Variants in BTC observed in about 807,000 individuals in gnomAD.
BTC encodes probetacellulin.
A neutral mutation model predicts 18.1 loss-of-function variants in BTC; 13 were observed. That is an observed-to-expected ratio of 0.72 (90% CI 0.47 to 1.14). The LOEUF is 1.14. BTC is among the 50% of genes most tolerant of loss of function. BTC has a pLI of 0.00. For synonymous variants in BTC, 83 were observed against 79.4 expected, an observed-to-expected ratio of 1.05 and a Z score of -0.24; for missense variants, 247 against 224.2, an observed-to-expected ratio of 1.10 and a Z score of -0.65.
At chr4:74,767,880 T>A (rs1369317079) in intron 2 of BTC, among the ~76,000 whole-genome samples, 1 of 152,076 alleles carries the variant, frequency 6.6e-6, no homozygotes, top group Non-Finnish European at 1.5e-5. Flanking sequence ...AAAAATCAAC[T>A]CAAAATGGAC....
intron 4 of BTC, among the ~76,000 whole-genome samples, chr4:74,748,418 C>G (rs1724352946): frequency 6.6e-6 from 1 of 151,960 alleles, no homozygotes; most frequent in Non-Finnish European, 1.5e-5. Flanking sequence ...CGCCTGTAGT[C>G]CCAGCTACTC....
At chr4:74,759,277 A>G (rs1724686382) in intron 2 of BTC, among the ~76,000 whole-genome samples, 1 of 152,244 alleles carries the variant, frequency 6.6e-6, no homozygotes, top group African/African-American at 2.4e-5. Context: ...TCTCTGCTGT[A>G]AAGTGAATGA....
At chr4:74,775,183 G>T (rs1236347869) in intron 1 of BTC, among the ~76,000 whole-genome samples, 2 of 152,108 alleles carry the variant, frequency 1.3e-5, no homozygotes, top group Admixed American at 6.6e-5. Flanking sequence ...CAACTTTGGA[G>T]CAAAGCCAAG....
chr4:74,754,687 G>T (rs1384392149), intron 3 of BTC, among the ~76,000 whole-genome samples: 1 of 152,082 alleles, frequency 6.6e-6, no homozygotes, highest in Non-Finnish European at 1.5e-5. Context: ...ATCTATGAAG[G>T]CTAAGAAAAC....
At chr4:74,763,824 T>C (rs58392207) in intron 2 of BTC, among the ~76,000 whole-genome samples, 40,577 of 152,022 alleles carry the variant, frequency 0.27, 7,922 homozygotes, top group African/African-American at 0.55. Context: ...ATTTACTGCA[T>C]GTTTTGAAAT....
At chr4:74,777,131 G>A (rs913033673) in intron 1 of BTC, among the ~76,000 whole-genome samples, 18 of 152,132 alleles carry the variant, frequency 1.2e-4, no homozygotes, top group African/African-American at 4.3e-4. Flanking sequence ...AGATGGAGCT[G>A]TTTTTGAATC....
chr4:74,765,614 G>A (rs28773325), intron 2 of BTC, among the ~76,000 whole-genome samples: 1 of 151,896 alleles, frequency 6.6e-6, no homozygotes, highest in South Asian at 2.1e-4. Flanking sequence ...GGAAAGAAAT[G>A]TACATACATA....
chr4:74,750,652 C>T lies in BTC; in HGVS notation c.349G>A (p.Gly117Arg). Residue 117 changes from glycine (G) to arginine (R), a missense_variant, in exon 4 of 6, where the codon GGA becomes AGA. Gly to Arg is a moderately radical substitution (Grantham distance 125). Coordinates refer to ENST00000395743, the MANE Select transcript of BTC (RefSeq NM_001729.4). ...VDLFYLRGDR[G>R]QILVICLIAV... ...ATCAAACAAATCACCAGAATCTGTC[C>T]TCTGTCTCCTCTTAGGTAAAACAAG... 6.2e-7 allele frequency: 1 copy of T among 1,613,898 alleles called. No homozygotes were observed. Among genetic ancestry groups the T allele is most frequent in the South Asian group, 1.1e-5 (1 of 91,046 alleles).
chr4:74,768,166 C>T (rs1368625930), intron 2 of BTC, among the ~76,000 whole-genome samples: 3 of 152,098 alleles, frequency 2.0e-5, no homozygotes, highest in South Asian at 2.1e-4. Context: ...ATTAGTACTG[C>T]TTTTCCTGAA....
intron 1 of BTC, among the ~76,000 whole-genome samples, chr4:74,774,776 A>G (rs1725134105): frequency 6.6e-6 from 1 of 152,156 alleles, no homozygotes; most frequent in South Asian, 2.1e-4. Context: ...GGATTCTGTT[A>G]TGCAGCTAAG....
Position 74,745,678 on chromosome 4 carries a change from T to C in BTC, c.*999A>G, listed in dbSNP as rs1479087579. 2 of 152,164 alleles carry C rather than the reference T, an allele frequency of 1.3e-5. No individual in the cohort carries two copies. The highest frequency in any genetic ancestry group is 6.5e-5 in the Admixed American group (1 of 15,274). 9.4% of individuals were successfully genotyped at this position (152,164 alleles called of 1,614,324 possible). On this transcript the variant is annotated 3_prime_UTR_variant, in exon 6 of 6. Transcript: ENST00000395743. ...GTCATCAAGAACATAAATGAGGATA[T>C]GGTCACAACCGGTCCCTACCTGGTC...
Position 74,759,657 on chromosome 4 carries a change from T to TA in BTC, c.164-3682dup, listed in dbSNP as rs61506916. ...ATAAATAAAGACATGACATTTAAGT[T>TA]AAAAAAAAAAAAAGAAACCTTTAGG... On this transcript the variant is annotated intron_variant, in intron 2 of 5. Transcript: ENST00000395743. Among the ~76,000 whole-genome samples the TA allele has an allele frequency of 8.3e-3, 1,221 of 146,930 alleles. 19 individuals carry two copies. The highest frequency in any genetic ancestry group is 0.027 in the African/African-American group (1,082 of 39,736).
At chr4:74,776,212 C>G (rs1725172767) in intron 1 of BTC, among the ~76,000 whole-genome samples, 1 of 150,982 alleles carries the variant, frequency 6.6e-6, no homozygotes, top group South Asian at 2.1e-4. Flanking sequence ...TACACTTTTT[C>G]CTTTTAAATG....
At chr4:74,756,685 C>T (rs1174166624) in intron 2 of BTC, among the ~76,000 whole-genome samples, 2 of 152,202 alleles carry the variant, frequency 1.3e-5, no homozygotes, top group Admixed American at 6.5e-5. Context: ...CCACAAGTCA[C>T]ACCTGCCTCC....
Position 74,748,042 on chromosome 4 carries a change from T to G in BTC, c.536A>C (p.Ter179SerextTer36), listed in dbSNP as rs1560707036. The change falls in exon 5 of 6, where the codon TAA becomes TCA. Residue 179 changes from the stop codon to serine, a stop_lost and splice_region_variant. Coordinates refer to ENST00000395743, the MANE Select transcript of BTC (RefSeq NM_001729.4). ...ATCAGCAAGTTTATCTCACTTACTTTAAGCAATATTTGTCTCTTCAATATC... is the reference window on the plus strand; with the variant it reads ...ATCAGCAAGTTTATCTCACTTACTTGAAGCAATATTTGTCTCTTCAATATC... ...NEDIEETNIA[*>S] 1 of 1,568,668 alleles carries G rather than the reference T, an allele frequency of 6.4e-7. No homozygotes were observed. The highest frequency in any genetic ancestry group is 8.7e-7 in the Non-Finnish European group (1 of 1,144,838).
chr4:74,754,554 G>A (rs1287631158), intron 3 of BTC, among the ~76,000 whole-genome samples: 1 of 152,154 alleles, frequency 6.6e-6, no homozygotes, highest in African/African-American at 2.4e-5. Context: ...ACCATAGCAA[G>A]AATAAGCTTT....
rs113814861 is a variant in BTC, at chr4:74,761,685, A to G, written c.164-5709T>C. ...TCTCTTACACTACATCCAATGCATC[A>G]ACAAACCCTGCCGGCTGCATTCAAA... On this transcript the variant is annotated intron_variant, in intron 2 of 5. Transcript: ENST00000395743. Among the ~76,000 whole-genome samples, 419 of 152,298 alleles carry G rather than the reference A, an allele frequency of 2.8e-3. 1 individual carries two copies. Among genetic ancestry groups the G allele is most frequent in the African/African-American group, 9.9e-3 (411 of 41,570 alleles).
chr4:74,769,736 T>C (rs190207324), intron 2 of BTC, among the ~76,000 whole-genome samples: 8 of 152,298 alleles, frequency 5.3e-5, no homozygotes, highest in Non-Finnish European at 1.0e-4. Context: ...GTCTGGAGCA[T>C]GCATCTGTGA....
intron 1 of BTC, among the ~76,000 whole-genome samples, chr4:74,785,886 G>C (rs991537275): frequency 6.6e-6 from 1 of 152,098 alleles, no homozygotes; most frequent in African/African-American, 2.4e-5. Flanking sequence ...TATCAACCTA[G>C]CTCCTGTGTT....
Sources: gnomAD v4.1 joint callset for allele counts (sites outside exome capture counted in the v4.1 genomes callset) on GRCh38, gnomAD v4.1.1 for gene constraint, MANE v1.5 for transcripts, NCBI Gene and HGNC (gene_info 2026-07-23, HGNC 2026-07-21) for gene names.